The following RALYL variants were observed in gnomAD, a reference collection of about 807,000 sequenced individuals.
RALYL encodes RALY RNA binding protein like.
RALYL carries 29 observed loss-of-function variants against 35.1 expected under a neutral mutation model. The observed-to-expected ratio is 0.83, with a 90% CI of 0.61 to 1.13. The LOEUF (loss-of-function observed/expected upper bound fraction) is 1.13. Ranked by LOEUF, RALYL falls within the 50% of genes most tolerant of loss-of-function variation. RALYL has a pLI of 0.00. For synonymous variants in RALYL, 120 were observed against 127.6 expected (o/e 0.94, Z 0.40); for missense variants, 359 against 360.4 (o/e 1.00, Z 0.03).
intron 2 of RALYL, among the ~76,000 whole-genome samples, chr8:84,540,046 T>C (rs1382182872): frequency 6.6e-6 from 1 of 151,408 alleles, no homozygotes; most frequent in African/African-American, 2.4e-5. Context: ...TTCCTAATTG[T>C]TTATTCCCGG....
intron 1 of RALYL, among the ~76,000 whole-genome samples, chr8:84,447,912 G>A (rs550203268): frequency 1.3e-4 from 20 of 152,036 alleles, no homozygotes; most frequent in Admixed American, 2.6e-4. Context: ...GGAAGTGAAC[G>A]CATTATAATG....
intron 1 of RALYL, among the ~76,000 whole-genome samples, chr8:84,319,790 T>G (rs1241966428): frequency 6.6e-6 from 1 of 152,092 alleles, no homozygotes; most frequent in Admixed American, 6.5e-5. Context: ...TTCCATCACT[T>G]AAATATATTA....
intron 1 of RALYL, among the ~76,000 whole-genome samples, chr8:84,480,658 C>T (rs1001472415): frequency 6.6e-6 from 1 of 151,966 alleles, no homozygotes; most frequent in African/African-American, 2.4e-5. Context: ...AGAGAGCGTT[C>T]AAGATAGGGG....
chr8:84,904,804 T>C (rs1846216542), intron 8 of RALYL, among the ~76,000 whole-genome samples: 1 of 151,336 alleles, frequency 6.6e-6, no homozygotes, highest in Admixed American at 6.6e-5. Flanking sequence ...TTAACCACAC[T>C]TTTTTTTTAT....
intron 2 of RALYL, among the ~76,000 whole-genome samples, chr8:84,700,572 A>C (rs1202246267): frequency 6.6e-6 from 1 of 152,110 alleles, no homozygotes; most frequent in Non-Finnish European, 1.5e-5. Flanking sequence ...CCTAATTTGA[A>C]CCAATACCAC....
chr8:84,214,462 A>G (rs1820294401), intron 1 of RALYL, among the ~76,000 whole-genome samples: 1 of 152,176 alleles, frequency 6.6e-6, no homozygotes, highest in Non-Finnish European at 1.5e-5. Context: ...TATTTGGCAT[A>G]AATAAAATTA....
chr8:84,409,076 C>T (rs2043844294), intron 1 of RALYL, among the ~76,000 whole-genome samples: 2 of 151,800 alleles, frequency 1.3e-5, no homozygotes, highest in African/African-American at 4.8e-5. Flanking sequence ...TAATTTTGAC[C>T]TCCCCAAGTG....
chr8:84,241,989 A>T (rs1563594576), intron 1 of RALYL, among the ~76,000 whole-genome samples: 1 of 151,912 alleles, frequency 6.6e-6, no homozygotes, highest in Non-Finnish European at 1.5e-5. Flanking sequence ...ATTCTTCCTG[A>T]TGCCCTCCTT....
chr8:84,553,131 T>C (rs568118008), intron 2 of RALYL, among the ~76,000 whole-genome samples: 1 of 152,298 alleles, frequency 6.6e-6, no homozygotes, highest in South Asian at 2.1e-4. Context: ...ATAATTTGTT[T>C]AGGGAAAGAC....
intron 1 of RALYL, among the ~76,000 whole-genome samples, chr8:84,216,920 G>A (rs185132119): frequency 1.6e-4 from 24 of 152,228 alleles, no homozygotes; most frequent in African/African-American, 4.6e-4. Context: ...TAATTCACGT[G>A]CTAGATAGAG....
chr8:84,769,904 A>G (rs1269760787), intron 2 of RALYL, among the ~76,000 whole-genome samples: 1 of 152,192 alleles, frequency 6.6e-6, no homozygotes, highest in Non-Finnish European at 1.5e-5. Flanking sequence ...ATTTACAGCC[A>G]TGCTCTTACC....
chr8:84,767,878 C>G (rs370836155), intron 2 of RALYL, among the ~76,000 whole-genome samples: 28 of 152,182 alleles, frequency 1.8e-4, no homozygotes, highest in South Asian at 6.2e-4. Flanking sequence ...AAAGGTACTT[C>G]TGCACAATGA....
chr8:84,653,540 C>A, intron 2 of RALYL, among the ~76,000 whole-genome samples: 1 of 151,882 alleles, frequency 6.6e-6, no homozygotes, highest in East Asian at 1.9e-4. Context: ...TATACTTTTC[C>A]CTCTCATTTC....
At chr8:84,701,839 A>T (rs1840258843) in intron 2 of RALYL, among the ~76,000 whole-genome samples, 1 of 152,156 alleles carries the variant, frequency 6.6e-6, no homozygotes, top group Non-Finnish European at 1.5e-5. Flanking sequence ...GTTGTTGTGG[A>T]AACATGTCCC....
intron 8 of RALYL, among the ~76,000 whole-genome samples, chr8:84,912,598 G>A (rs1245317371): frequency 6.6e-6 from 1 of 152,034 alleles, no homozygotes; most frequent in African/African-American, 2.4e-5. Context: ...TGCAAAAGAT[G>A]CTTGCCGCCA....
chr8:84,737,035 C>A (rs1288637801), intron 2 of RALYL, among the ~76,000 whole-genome samples: 1 of 151,980 alleles, frequency 6.6e-6, no homozygotes, highest in African/African-American at 2.4e-5. Flanking sequence ...ATGTATTAAG[C>A]ATTTCTGTAA....
At chr8:84,429,674 C>T (rs187870159) in intron 1 of RALYL, among the ~76,000 whole-genome samples, 115 of 152,132 alleles carry the variant, frequency 7.6e-4, no homozygotes, top group African/African-American at 2.7e-3. Context: ...GAGTGACTGT[C>T]ACACTGTAAG....
intron 1 of RALYL, among the ~76,000 whole-genome samples, chr8:84,431,332 C>T (rs115097665): frequency 0.011 from 1,624 of 152,262 alleles, 24 homozygotes; most frequent in African/African-American, 0.037. Flanking sequence ...ACTATCCTGA[C>T]TCCCACCACT....
At chr8:84,489,001 A>G (rs1437481727) in intron 1 of RALYL, among the ~76,000 whole-genome samples, 2 of 152,104 alleles carry the variant, frequency 1.3e-5, no homozygotes, top group Non-Finnish European at 2.9e-5. Flanking sequence ...AGATTGAATA[A>G]GCTTTATTTG....
Sources: allele counts gnomAD v4.1 joint callset (sites outside exome capture counted in the v4.1 genomes callset), GRCh38; gene constraint gnomAD v4.1.1; transcripts MANE v1.5; gene names NCBI Gene and HGNC (gene_info 2026-07-23, HGNC 2026-07-21).